The following KCNN2 variants were observed in gnomAD, a reference collection of about 807,000 sequenced individuals.
KCNN2 encodes the protein potassium calcium-activated channel subfamily N member 2.
A neutral mutation model predicts 55.5 loss-of-function variants in KCNN2; 24 were observed. That is an observed-to-expected ratio of 0.43 (90% CI 0.31 to 0.61). The LOEUF (loss-of-function observed/expected upper bound fraction) is 0.61, where lower values mean the gene tolerates loss of function less well. KCNN2 is among the 20% of genes least tolerant of loss of function. The pLI is 0.08. For missense variants in KCNN2, 754 were observed against 853.6 expected (o/e 0.88, Z 1.45); for synonymous variants, 431 against 336.1 (o/e 1.28, Z -3.09).
At chr5:114,272,323 T>C (rs933399143) in intron 2 of KCNN2, among the ~76,000 whole-genome samples, 1 of 148,182 alleles carries the variant, frequency 6.7e-6, no homozygotes, top group Non-Finnish European at 1.5e-5. Flanking sequence ...CACATATATG[T>C]ATGTACATAT....
chr5:114,421,487 C>T (rs976734795), intron 3 of KCNN2, among the ~76,000 whole-genome samples: 6 of 151,450 alleles, frequency 4.0e-5, no homozygotes, highest in Admixed American at 1.3e-4. Context: ...GATGCAGTTT[C>T]ACCATGTCGG....
intron 2 of KCNN2, among the ~76,000 whole-genome samples, chr5:114,237,268 A>ACC (rs1327036039): frequency 6.6e-6 from 1 of 150,942 alleles, no homozygotes; most frequent in Admixed American, 6.6e-5. Context: ...ACACACACAC[A>ACC]CACACACACA....
chr5:114,148,656 G>A (rs1752453311), intron 1 of KCNN2, among the ~76,000 whole-genome samples: 1 of 152,052 alleles, frequency 6.6e-6, no homozygotes, highest in Admixed American at 6.6e-5. Context: ...TGAGAAACAG[G>A]CCATTCAGAT....
At chr5:114,480,121 A>G (rs1762160240) in intron 5 of KCNN2, among the ~76,000 whole-genome samples, 1 of 152,126 alleles carries the variant, frequency 6.6e-6, no homozygotes, top group African/African-American at 2.4e-5. Context: ...ATAGACCACT[A>G]GATAGACAAA....
intron 1 of KCNN2, among the ~76,000 whole-genome samples, chr5:114,179,907 G>A (rs564450741): frequency 2.0e-5 from 3 of 152,090 alleles, no homozygotes; most frequent in East Asian, 1.9e-4. Flanking sequence ...AATATTTAGA[G>A]AAATAAAACA....
chr5:114,082,324 TA>T (rs1330850146), intron 1 of KCNN2, among the ~76,000 whole-genome samples: 470 of 136,570 alleles, frequency 3.4e-3, no homozygotes, highest in Admixed American at 3.4e-3. Flanking sequence ...ACCGTATCTT[TA>T]AAAAAAAAAA....
At chr5:114,155,078 C>T (rs1273781494) in intron 1 of KCNN2, among the ~76,000 whole-genome samples, 1 of 152,048 alleles carries the variant, frequency 6.6e-6, no homozygotes, top group Non-Finnish European at 1.5e-5. Context: ...GTGTTGTTCC[C>T]ATCTAGGTGT....
At chr5:114,479,458 T>A (rs542500087) in intron 5 of KCNN2, among the ~76,000 whole-genome samples, 1 of 152,286 alleles carries the variant, frequency 6.6e-6, no homozygotes, top group East Asian at 1.9e-4. Flanking sequence ...CACACAATAA[T>A]AGGAGACTTT....
At chr5:114,113,428 G>T (rs1561481191) in intron 1 of KCNN2, among the ~76,000 whole-genome samples, 1 of 152,030 alleles carries the variant, frequency 6.6e-6, no homozygotes, top group Non-Finnish European at 1.5e-5. Context: ...TAGCTTAGGG[G>T]AGGAGAAAAA....
In KCNN2 at chr5:114,070,688, C is replaced by A. The variant is rs1458011539; in HGVS notation, c.-271+14188C>A. ...AAACACATGGAGACAAAGGTTTAAG[C>A]CCTAATATTTTATCAATTTTATTTG... On this transcript the variant is annotated intron_variant, in intron 1 of 10. Coordinates refer to the KCNN2 transcript ENST00000512097. Among the ~76,000 whole-genome samples the A allele has an allele frequency of 5.3e-5, 8 of 152,088 alleles. No individual in the cohort carries two copies. In the South Asian group the frequency reaches 8.3e-4, roughly 16 times the overall value.
chr5:114,113,451 C>G (rs1237456050), intron 1 of KCNN2, among the ~76,000 whole-genome samples: 1 of 151,888 alleles, frequency 6.6e-6, no homozygotes, highest in African/African-American at 2.4e-5. Flanking sequence ...TTTTTCCTCT[C>G]CCTCTTAGGT....
intron 1 of KCNN2, among the ~76,000 whole-genome samples, chr5:114,139,263 G>A (rs754857563): frequency 6.6e-6 from 1 of 151,970 alleles, no homozygotes; most frequent in Non-Finnish European, 1.5e-5. Context: ...TAATTTTGTG[G>A]TGTTGTTTTC....
chr5:114,071,667 G>A (rs929047687), intron 1 of KCNN2, among the ~76,000 whole-genome samples: 1 of 152,172 alleles, frequency 6.6e-6, no homozygotes, highest in Admixed American at 6.5e-5. Flanking sequence ...GTGAATGAAT[G>A]TATACATGGT....
rs539331042 is a variant in KCNN2, at chr5:114,378,240, T to G, written c.1218+14239T>G. 1.4e-3 allele frequency among the ~76,000 whole-genome samples: 217 copies of G among 152,310 alleles called. 1 individual carries two copies. The highest frequency in any genetic ancestry group is 4.9e-3 in the African/African-American group (203 of 41,578). On this transcript the variant is annotated intron_variant, in intron 2 of 7. Transcript: ENST00000673685. ...TTCAGGTATTGTATATTGCCGCTTTTGTGCTACGATGGCAGAGTTGAGTAG... is the reference window on the plus strand; with the variant it reads ...TTCAGGTATTGTATATTGCCGCTTTGGTGCTACGATGGCAGAGTTGAGTAG...
chr5:114,242,815 T>A (rs1306295968), intron 2 of KCNN2, among the ~76,000 whole-genome samples: 2 of 152,238 alleles, frequency 1.3e-5, no homozygotes, highest in Admixed American at 6.5e-5. Context: ...ATGTGGTTCA[T>A]CTTTGTATTG....
chr5:114,390,553 C>G (rs985752802), intron 2 of KCNN2, among the ~76,000 whole-genome samples: 1 of 152,068 alleles, frequency 6.6e-6, no homozygotes, highest in East Asian at 1.9e-4. Flanking sequence ...TGACACTATC[C>G]TTGTAGTCCT....
chr5:114,484,435 G>A (rs967885504), intron 5 of KCNN2, among the ~76,000 whole-genome samples: 2 of 152,132 alleles, frequency 1.3e-5, no homozygotes, highest in African/African-American at 4.8e-5. Flanking sequence ...TATTCATGCA[G>A]CAAAATTGCA....
At chr5:114,452,543 A>T (rs944523543) in intron 3 of KCNN2, among the ~76,000 whole-genome samples, 1 of 152,196 alleles carries the variant, frequency 6.6e-6, no homozygotes, top group Admixed American at 6.5e-5. Context: ...GATGTTCACC[A>T]TGTTATTGAA....
At chr5:114,173,605 G>C (rs961361254) in intron 1 of KCNN2, among the ~76,000 whole-genome samples, 1 of 150,482 alleles carries the variant, frequency 6.6e-6, no homozygotes, top group African/African-American at 2.5e-5. Flanking sequence ...TAACAATATT[G>C]ATTCTTCCAA....
Sources: allele counts gnomAD v4.1 joint callset (sites outside exome capture counted in the v4.1 genomes callset), GRCh38; gene constraint gnomAD v4.1.1; transcripts MANE v1.5; gene names NCBI Gene and HGNC (gene_info 2026-07-23, HGNC 2026-07-21).